The following MSRA variants were observed in gnomAD, a reference collection of about 807,000 sequenced individuals.
MSRA encodes mitochondrial peptide methionine sulfoxide reductase.
MSRA carries 54 observed loss-of-function variants against 31.3 expected under a neutral mutation model. The observed-to-expected ratio is 1.73, with a 90% CI of 1.39 to 2.17. The LOEUF is 2.17. MSRA is among the 30% of genes most tolerant of loss of function. The pLI is 0.00. For synonymous variants in MSRA, 169 were observed against 116.5 expected, an observed-to-expected ratio of 1.45 and a Z score of -2.90; for missense variants, 507 against 300.9, an observed-to-expected ratio of 1.69 and a Z score of -5.07.
At chr8:10,301,314 A>G (rs1044458937) in intron 3 of MSRA, among the ~76,000 whole-genome samples, 1 of 152,214 alleles carries the variant, frequency 6.6e-6, no homozygotes, top group Non-Finnish European at 1.5e-5. Context: ...TGTAGAAGTC[A>G]TCGCAGCAAG....
intron 1 of MSRA, among the ~76,000 whole-genome samples, chr8:10,184,022 GGTGTTGGTC>G (rs1806797665): frequency 1.6e-5 from 2 of 128,134 alleles, no homozygotes; most frequent in Non-Finnish European, 3.4e-5. Flanking sequence ...TGGTGTTGGT[GGTGTTGGTC>G]TTGGTGGTGT....
At chr8:10,417,223 G>A (rs909754633) in intron 5 of MSRA, among the ~76,000 whole-genome samples, 1 of 152,100 alleles carries the variant, frequency 6.6e-6, no homozygotes, top group Non-Finnish European at 1.5e-5. Flanking sequence ...TCCGATGGGG[G>A]CTTGTAAAGG....
At chr8:10,321,083 T>C (rs1356397151) in intron 5 of MSRA, among the ~76,000 whole-genome samples, 1 of 152,204 alleles carries the variant, frequency 6.6e-6, no homozygotes, top group African/African-American at 2.4e-5. Flanking sequence ...CTCGGAAATA[T>C]ATACATGATA....
At chr8:10,069,638 G>A (rs1797635882) in intron 1 of MSRA, among the ~76,000 whole-genome samples, 1 of 152,174 alleles carries the variant, frequency 6.6e-6, no homozygotes, top group Non-Finnish European at 1.5e-5. Context: ...TGAGCTAGCT[G>A]AATGCTCTGT....
chr8:10,251,876 A>T (rs142462164), intron 3 of MSRA, among the ~76,000 whole-genome samples: 2 of 149,586 alleles, frequency 1.3e-5, no homozygotes, highest in East Asian at 3.9e-4. Context: ...GGGGGGGGAC[A>T]TAGGTCATGG....
At chr8:10,225,536 A>G (rs537784140) in intron 2 of MSRA, among the ~76,000 whole-genome samples, 40 of 152,344 alleles carry the variant, frequency 2.6e-4, no homozygotes, top group Non-Finnish European at 4.6e-4. Flanking sequence ...CATAAATTTA[A>G]TTTGCCCAGA....
intron 1 of MSRA, among the ~76,000 whole-genome samples, chr8:10,195,615 A>G (rs1187305231): frequency 2.6e-5 from 4 of 152,228 alleles, no homozygotes; most frequent in Admixed American, 6.5e-5. Flanking sequence ...GCAAGAGACA[A>G]TAATTGAATA....
intron 2 of MSRA, among the ~76,000 whole-genome samples, chr8:10,236,797 C>T (rs1585239065): frequency 6.6e-6 from 1 of 152,122 alleles, no homozygotes; most frequent in Admixed American, 6.5e-5. Flanking sequence ...CTGGCTGCCT[C>T]GGCCTTCCAG....
At chr8:10,106,428 C>G (rs753354221) in intron 1 of MSRA, among the ~76,000 whole-genome samples, 1 of 152,192 alleles carries the variant, frequency 6.6e-6, no homozygotes, top group South Asian at 2.1e-4. Context: ...GTCTCTGCAC[C>G]ATTCCTCTAC....
intron 1 of MSRA, among the ~76,000 whole-genome samples, chr8:10,188,224 C>G (rs1700796743): frequency 6.6e-6 from 1 of 152,104 alleles, no homozygotes; most frequent in Admixed American, 6.5e-5. Flanking sequence ...AAATACAGAT[C>G]TTATTTGGAT....
At chr8:10,151,080 C>T (rs1382992813) in intron 1 of MSRA, among the ~76,000 whole-genome samples, 3 of 151,412 alleles carry the variant, frequency 2.0e-5, no homozygotes, top group South Asian at 4.2e-4. Context: ...AGTTGGGATC[C>T]GTAAAGGAGG....
intron 1 of MSRA, among the ~76,000 whole-genome samples, chr8:10,127,061 G>C (rs181057925): frequency 1.5e-4 from 23 of 152,302 alleles, no homozygotes; most frequent in African/African-American, 5.5e-4. Flanking sequence ...ACATTCTGGC[G>C]AACATACTAC....
intron 5 of MSRA, among the ~76,000 whole-genome samples, chr8:10,362,707 A>G (rs1017976382): frequency 1.4e-4 from 22 of 151,984 alleles, no homozygotes; most frequent in African/African-American, 5.1e-4. Context: ...CCCTTTTGCA[A>G]ATTGTTGCTC....
intron 1 of MSRA, 140 bp from the exon 2 acceptor site, chr8:10,207,693 T>C (rs573565569): frequency 1.2e-5 from 8 of 657,942 alleles, no homozygotes; most frequent in South Asian, 7.1e-5. Context: ...AACAAAATAA[T>C]TGAAGCTCTC....
rs567920663 is a variant in MSRA at position 10,413,047 on chromosome 8, T to G, written c.544-15101T>G. 2.0e-5 allele frequency among the ~76,000 whole-genome samples: 3 copies of G among 152,350 alleles called. No individual in the cohort carries two copies. In the South Asian group the frequency reaches 6.2e-4, roughly 32 times the overall value. The stretch of plus-strand genomic sequence containing the variant: ...ATGTTTACAGCAGCTTTGTTCATAA[T>G]AGCCAGAAACAGGAAACAACCTAAG... On this transcript the variant is annotated intron_variant, in intron 5 of 5. Transcript: ENST00000317173.
intron 1 of MSRA, among the ~76,000 whole-genome samples, chr8:10,086,553 G>T (rs1479054518): frequency 6.6e-6 from 1 of 152,208 alleles, no homozygotes; most frequent in African/African-American, 2.4e-5. Flanking sequence ...AGTTTCGGAT[G>T]TCAGTTTCCT....
In MSRA at chr8:10,412,010, A is replaced by G. The variant is rs181520142; in HGVS notation, c.544-16138A>G. On this transcript the variant is annotated intron_variant, in intron 5 of 5. Transcript: ENST00000317173. ...TTTTATCACATTTCATAAACTCAGA[A>G]TACAGGAGTACTCATTTAAAATTAC... 2.6e-4 allele frequency among the ~76,000 whole-genome samples: 40 copies of G among 152,364 alleles called. No individual in the cohort carries two copies. The East Asian group carries it at 7.5e-3, about 29-fold the overall frequency.
At chr8:10,367,342 G>A (rs529122294) in intron 5 of MSRA, among the ~76,000 whole-genome samples, 1 of 152,204 alleles carries the variant, frequency 6.6e-6, no homozygotes, top group South Asian at 2.1e-4. Flanking sequence ...TTAGTGTTGC[G>A]ATAATCTCTT....
chr8:10,428,114 T>C, intron 5 of MSRA, 34 bp from the exon 6 acceptor site: 7 of 1,599,108 alleles, frequency 4.4e-6, no homozygotes, highest in Non-Finnish European at 6.0e-6. Flanking sequence ...CTCTCTAGCA[T>C]GGGAGCTGAT....
Sources: allele counts gnomAD v4.1 joint callset (sites outside exome capture counted in the v4.1 genomes callset), GRCh38; gene constraint gnomAD v4.1.1; transcripts MANE v1.5; gene names NCBI Gene and HGNC (gene_info 2026-07-23, HGNC 2026-07-21).